The following SHLD2 variants were observed in gnomAD, a reference collection of about 807,000 sequenced individuals.
SHLD2 encodes the protein shieldin complex subunit 2, also known as RINN1-REV7-interacting novel NHEJ regulator 2.
SHLD2 carries 30 observed loss-of-function variants against 73.2 expected under a neutral mutation model. That is an observed-to-expected ratio of 0.41 (90% CI 0.31 to 0.56). The LOEUF is 0.56. SHLD2 is among the 20% of genes least tolerant of loss of function. The pLI is 0.28. For synonymous variants in SHLD2, 285 were observed against 370.1 expected (o/e 0.77, Z 2.64); for missense variants, 745 against 1,055.9 (o/e 0.71, Z 4.08).
intron 7 of SHLD2, among the ~76,000 whole-genome samples, chr10:87,178,283 G>A (rs2134670326): frequency 6.6e-6 from 1 of 150,726 alleles, no homozygotes; most frequent in South Asian, 2.1e-4. Flanking sequence ...GTGGAGGGAG[G>A]AGAGCAAGGG....
intron 2 of SHLD2, among the ~76,000 whole-genome samples, chr10:87,130,805 T>C (rs185076507): frequency 6.6e-6 from 1 of 152,292 alleles, no homozygotes; most frequent in Non-Finnish European, 1.5e-5. Context: ...GCGTGGTGGC[T>C]CAGGCCTGTA....
intron 2 of SHLD2, among the ~76,000 whole-genome samples, chr10:87,106,959 A>G (rs9421583): frequency 0.32 from 48,243 of 151,942 alleles, 8,411 homozygotes; most frequent in East Asian, 0.74. Flanking sequence ...TGCCTTTTAC[A>G]TAGTTACTGT....
At chr10:87,161,373 G>C (rs1460531422) in intron 4 of SHLD2, among the ~76,000 whole-genome samples, 2 of 152,118 alleles carry the variant, frequency 1.3e-5, no homozygotes, top group South Asian at 4.2e-4. Flanking sequence ...CCCAGGCTGG[G>C]GGATGAGGTT....
Position 87,132,804 on chromosome 10 carries a change from C to T in SHLD2, c.-5-18546C>T, listed in dbSNP as rs184647257. ...CAAAACGAAACAAAACAAAACAAAA[C>T]GACTATATTTCTGCATTAAGTGGGG... is the stretch of plus-strand genomic sequence containing the variant. On this transcript the variant is annotated intron_variant, in intron 2 of 9. Coordinates refer to ENST00000298786, the MANE Select transcript of SHLD2 (RefSeq NM_001330112.2). 1.3e-3 allele frequency among the ~76,000 whole-genome samples: 200 copies of T among 152,170 alleles called. 1 individual carries two copies. The highest frequency in any genetic ancestry group is 2.0e-3 in the Non-Finnish European group (139 of 67,984).
intron 2 of SHLD2, among the ~76,000 whole-genome samples, chr10:87,118,957 C>T (rs1843419619): frequency 6.6e-6 from 1 of 151,992 alleles, no homozygotes; most frequent in Non-Finnish European, 1.5e-5. Flanking sequence ...AGGATAATAT[C>T]TTGCAGGGTG....
intron 2 of SHLD2, among the ~76,000 whole-genome samples, chr10:87,097,630 G>A (rs1408956441): frequency 6.6e-6 from 1 of 152,172 alleles, no homozygotes; most frequent in East Asian, 1.9e-4. Context: ...TTTGGAAGAG[G>A]TGAGGAATAG....
At chr10:87,164,439 G>A (rs1423807485) in intron 4 of SHLD2, among the ~76,000 whole-genome samples, 2 of 151,916 alleles carry the variant, frequency 1.3e-5, no homozygotes, top group Non-Finnish European at 2.9e-5. Flanking sequence ...TTCTTGTAGA[G>A]ACTGGATTTC....
In SHLD2 at chr10:87,178,408, AT is replaced by A. The variant is rs1166390094; in HGVS notation, c.2171-1656del. 5.5e-3 allele frequency among the ~76,000 whole-genome samples: 825 copies of A among 149,162 alleles called. 9 individuals carry two copies. Among genetic ancestry groups the A allele is most frequent in the African/African-American group, 0.019 (786 of 40,748 alleles). On this transcript the variant is annotated intron_variant, in intron 7 of 9. Coordinates refer to ENST00000298786, the MANE Select transcript of SHLD2 (RefSeq NM_001330112.2). ...CTCTGAATCTGAAATAAAAATCGAA[AT>A]TTTTTTTTTTACATAATTTTTTAGG...
intron 2 of SHLD2, among the ~76,000 whole-genome samples, chr10:87,111,716 A>G (rs978543389): frequency 6.7e-6 from 1 of 150,328 alleles, no homozygotes; most frequent in Non-Finnish European, 1.5e-5. Flanking sequence ...GGGCTCAAGC[A>G]ACCTGCCTGC....
chr10:87,151,568 G>C lies in SHLD2; in HGVS notation c.214G>C (p.Asp72His). 1.2e-6 allele frequency: 2 copies of C among 1,611,576 alleles called. No homozygotes were observed. The highest frequency in any genetic ancestry group is 1.3e-5 in the African/African-American group (1 of 74,966). ...AGTCCCAGAATCTATTGGTTCTCCA[G>C]ATCTTAGTGGTCATTTCTTAGCAAA... ...YKVPESIGSPDLSGHFLANCM... is the reference protein window; with the variant it reads ...YKVPESIGSPHLSGHFLANCM... The change falls in exon 3 of 10, where the codon GAT becomes CAT. Residue 72 changes from aspartate (D) to histidine (H), a missense_variant. By Grantham distance (81) the Asp-to-His change is moderately conservative. This residue lies in a region of SHLD2 where 280 missense variants were observed against 353.9 expected (regional missense o/e 0.79). Coordinates refer to ENST00000298786, the MANE Select transcript of SHLD2 (RefSeq NM_001330112.2).
At chr10:87,188,078 C>T (rs1301410244) in intron 9 of SHLD2, among the ~76,000 whole-genome samples, 1 of 152,218 alleles carries the variant, frequency 6.6e-6, no homozygotes, top group African/African-American at 2.4e-5. Flanking sequence ...CCAAGTTGCA[C>T]AAGCTTTTGT....
In SHLD2 at chr10:87,151,491, A is replaced by T. The variant is rs774197213; in HGVS notation, c.137A>T (p.His46Leu). The T allele has an allele frequency of 6.2e-7, 1 of 1,611,108 alleles. No homozygotes were observed. Among genetic ancestry groups the T allele is most frequent in the South Asian group, 1.1e-5 (1 of 90,834 alleles). Reference sequence around the variant, plus strand: ...AAAATTCAGCTTTTATACAGTCAACATTCTTTATATCTGAAGGATGAAAAA... The same window carrying T: ...AAAATTCAGCTTTTATACAGTCAACTTTCTTTATATCTGAAGGATGAAAAA... ...WKKIQLLYSQ[H>L]SLYLKDEKQH... The change falls in exon 3 of 10, where the codon CAT becomes CTT. Residue 46 changes from histidine (H) to leucine (L), a missense_variant. Transcript: ENST00000298786.
intron 2 of SHLD2, among the ~76,000 whole-genome samples, chr10:87,134,325 C>T (rs920560392): frequency 4.6e-5 from 7 of 152,130 alleles, no homozygotes; most frequent in Admixed American, 4.6e-4. Flanking sequence ...ATCAAACTTT[C>T]GTAGTAGAGA....
Position 87,170,967 on chromosome 10 carries a change from GA to G in SHLD2, c.1962del (p.Gly655ValfsTer17). ...GAAWYPQLQRKKGYIWEFKYL... is the reference protein window; with the variant it reads ...GAAWYPQLQRXKGYIWEFKYL... ...CAGCCTGGTACCCTCAACTTCAAAG[GA>G]AAAAAGGTAAATACACCAAAAAGCA... On this transcript the variant is annotated frameshift_variant, in exon 6 of 10. Coordinates refer to ENST00000298786, the MANE Select transcript of SHLD2 (RefSeq NM_001330112.2). LOFTEE classifies it high-confidence loss of function. 2 of 1,486,894 alleles carry G rather than the reference GA, an allele frequency of 1.3e-6. No individual in the cohort carries two copies. The highest frequency in any genetic ancestry group is 1.9e-6 in the Non-Finnish European group (2 of 1,079,302). 92.1% of individuals were successfully genotyped at this position (1,486,894 alleles called of 1,614,324 possible).
intron 8 of SHLD2, 59 bp downstream of exon 8, chr10:87,180,362 T>G: frequency 2.5e-6 from 4 of 1,585,254 alleles, no homozygotes; most frequent in Non-Finnish European, 2.6e-6. Flanking sequence ...CTGGAAAAAT[T>G]AGTCTGTAAA....
intron 2 of SHLD2, among the ~76,000 whole-genome samples, chr10:87,111,236 A>G (rs575956315): frequency 6.6e-6 from 1 of 152,106 alleles, no homozygotes; most frequent in Non-Finnish European, 1.5e-5. Context: ...ATCATGGCTC[A>G]CTGCAGTTTC....
intron 2 of SHLD2, among the ~76,000 whole-genome samples, chr10:87,119,896 A>C (rs1393698029): frequency 6.6e-6 from 1 of 152,106 alleles, no homozygotes; most frequent in Admixed American, 6.6e-5. Context: ...GCAGTACTTA[A>C]CATATATAAC....
At chr10:87,108,210 A>G (rs550541910) in intron 2 of SHLD2, among the ~76,000 whole-genome samples, 2 of 152,114 alleles carry the variant, frequency 1.3e-5, no homozygotes, top group African/African-American at 4.8e-5. Flanking sequence ...TCACCACACC[A>G]GGCCAATTTT....
intron 2 of SHLD2, among the ~76,000 whole-genome samples, chr10:87,137,381 AAAAGG>A (rs1196956680): frequency 1.3e-5 from 2 of 152,020 alleles, no homozygotes; most frequent in Non-Finnish European, 2.9e-5. Context: ...GAAAGAAAAG[AAAAGG>A]AAAGGGAAGG....
Sources: allele counts gnomAD v4.1 joint callset (sites outside exome capture counted in the v4.1 genomes callset), GRCh38; gene constraint gnomAD v4.1.1; regional missense constraint gnomAD v4.1.1; transcripts MANE v1.5; gene names NCBI Gene and HGNC (gene_info 2026-07-23, HGNC 2026-07-21).